FBF1: variants seen among roughly 807,000 people sequenced by gnomAD.
FBF1 encodes the protein Fas binding factor 1.
A neutral mutation model predicts 147.2 loss-of-function variants in FBF1; 119 were observed. That is an observed-to-expected ratio of 0.81 (90% CI 0.70 to 0.94). FBF1 has a LOEUF of 0.94. FBF1 is among the 40% of genes least tolerant of loss of function. The pLI is 0.00. For missense variants in FBF1, 1,449 were observed against 1,500.8 expected (o/e 0.97, Z 0.57); for synonymous variants, 601 against 609.0 (o/e 0.99, Z 0.19).
At position 75,910,065 on chromosome 17, in the gene FBF1, G is replaced by A. The variant is rs903402579; in HGVS notation, c.*658C>T. 1 of 624,570 alleles carries A rather than the reference G, an allele frequency of 1.6e-6. No individual in the cohort carries two copies. The highest frequency in any genetic ancestry group is 1.8e-5 in the African/African-American group (1 of 55,704). 38.7% of individuals were successfully genotyped at this position (624,570 alleles called of 1,614,324 possible). ...CCCTCCGCCGCCGGTGGGGCACCCA[G>A]ATGGGGAGGAAGCTGAGGAGGCCAC... On this transcript the variant is annotated 3_prime_UTR_variant, in exon 30 of 30. Transcript: ENST00000636174. This position sits in a 1 kb window ranked among gnomAD's most constrained non-coding sequence, Gnocchi z 4.1.
At chr17:75,932,856 A>C in intron 5 of FBF1, 139 bp downstream of exon 5, 39 of 533,220 alleles carry the variant, frequency 7.3e-5, no homozygotes, top group Non-Finnish European at 9.0e-5. Flanking sequence ...ACTGCACTCC[A>C]GCCTCGGCAA....
Position 75,919,747 on chromosome 17 carries a change from T to G in FBF1, c.2059A>C (p.Thr687Pro). The change falls in exon 20 of 30, where the codon ACG becomes CCG. Residue 687 changes from threonine (T) to proline (P), a missense_variant. Physicochemically the swap from Thr to Pro is conservative, Grantham distance 38. Transcript: ENST00000636174. The surrounding 1 kb of genome is among the most constrained non-coding windows in gnomAD (Gnocchi z 5.0). ...QEAEQARAELTAQHQRRLAAI... is the reference protein window; with the variant it reads ...QEAEQARAELPAQHQRRLAAI... ...GCCAAGCGCCGCTGGTGCTGGGCCGTAAGCTCAGCACGGGCCTGTTCGGCC... is the reference window on the plus strand; with the variant it reads ...GCCAAGCGCCGCTGGTGCTGGGCCGGAAGCTCAGCACGGGCCTGTTCGGCC... The G allele has an allele frequency of 6.2e-7, 1 of 1,613,398 alleles. No homozygotes were observed. The highest frequency in any genetic ancestry group is 8.5e-7 in the Non-Finnish European group (1 of 1,179,876).
In FBF1 at chr17:75,910,039, T is replaced by C. The variant is rs917405580; in HGVS notation, c.*684A>G. ...CCCCACACCCCACCATCGCCACAGCTCCCTCCGCCGCCGGTGGGGCACCCA... is the reference window on the plus strand; with the variant it reads ...CCCCACACCCCACCATCGCCACAGCCCCCTCCGCCGCCGGTGGGGCACCCA... On this transcript the variant is annotated 3_prime_UTR_variant, in exon 30 of 30. Coordinates refer to ENST00000636174, the MANE Select transcript of FBF1 (RefSeq NM_001319193.2). This position sits in a 1 kb window ranked among gnomAD's most constrained non-coding sequence, Gnocchi z 4.1. 7.7e-6 allele frequency: 5 copies of C among 651,868 alleles called. No homozygotes were observed. The highest frequency in any genetic ancestry group is 2.8e-4 in the Middle Eastern group (1 of 3,510). 40.4% of individuals were successfully genotyped at this position (651,868 alleles called of 1,614,324 possible).
At chr17:75,921,398 C>A in intron 16 of FBF1, 74 bp downstream of exon 16, 1 of 1,553,716 alleles carries the variant, frequency 6.4e-7, no homozygotes, top group Non-Finnish European at 8.7e-7. Flanking sequence ...CCCAGGGACC[C>A]CAAAGGAAGC....
At chr17:75,931,746 G>T (rs1336478492) in intron 5 of FBF1, among the ~76,000 whole-genome samples, 1 of 151,830 alleles carries the variant, frequency 6.6e-6, no homozygotes. Flanking sequence ...TTGCGCCACT[G>T]CACTCCAGCC....
At chr17:75,936,382 C>T (rs1376460663) in intron 3 of FBF1, among the ~76,000 whole-genome samples, 2 of 151,784 alleles carry the variant, frequency 1.3e-5, no homozygotes, top group Non-Finnish European at 2.9e-5. Context: ...ATCCCAGCTA[C>T]TGGAGAGGAT....
rs568136344 is a variant in FBF1, at chr17:75,918,162, C to A, written c.2246G>T (p.Arg749Leu). 6.2e-7 allele frequency: 1 copy of A among 1,613,268 alleles called. No homozygotes were observed. Among genetic ancestry groups the A allele is most frequent in the South Asian group, 1.1e-5 (1 of 90,992 alleles). ...DAATSATSHT[R>L]SLNSIIHQME... is the part of the protein sequence containing the mutation. ...GGCATGGTTGGGGCAGCGCACATAC[C>A]GCGTGTGGGAGGTGGCACTGGTGGC... The change falls in exon 21 of 30, where the codon CGG becomes CTG. Residue 749 changes from arginine (R) to leucine (L), a missense_variant and splice_region_variant. Transcript: ENST00000636174. This position sits in a 1 kb window ranked among gnomAD's most constrained non-coding sequence, Gnocchi z 5.8.
rs557290639 is a variant in FBF1 at position 75,931,251 on chromosome 17, C to T, written c.206G>A (p.Gly69Asp). The T allele has an allele frequency of 1.9e-6, 3 of 1,581,040 alleles. No individual in the cohort carries two copies. The highest frequency in any genetic ancestry group is 1.2e-5 in the South Asian group (1 of 85,990). The change falls in exon 6 of 30, where the codon GGC (glycine) becomes GAC (aspartate). Residue 69 changes from glycine to aspartate, a missense_variant. Transcript: ENST00000636174. ...CACCTCAGCATCAGCTTCTTCCAGGCCTGCCATGGTGCTGAAGACATCATC... is the reference window on the plus strand; with the variant it reads ...CACCTCAGCATCAGCTTCTTCCAGGTCTGCCATGGTGCTGAAGACATCATC... Reference protein sequence around the residue: ...LGDDVFSTMAGLEEADAEVSG... With the variant: ...LGDDVFSTMADLEEADAEVSG...
At position 75,928,823 on chromosome 17, in the gene FBF1, A is replaced by T. The variant is rs967414701; in HGVS notation, c.280-630T>A. On this transcript the variant is annotated intron_variant, in intron 7 of 29. Transcript: ENST00000636174. The surrounding 1 kb of genome is among the most constrained non-coding windows in gnomAD (Gnocchi z 4.2). ...ACTCCGTCTCAAAAAAATAAAAATAAATTAAAAATAAAATAAAATAAAGAC... is the reference window on the plus strand; with the variant it reads ...ACTCCGTCTCAAAAAAATAAAAATATATTAAAAATAAAATAAAATAAAGAC... Among the ~76,000 whole-genome samples, 2 of 151,978 alleles carry T rather than the reference A, an allele frequency of 1.3e-5. No homozygotes were observed. Among genetic ancestry groups the T allele is most frequent in the African/African-American group, 4.8e-5 (2 of 41,382 alleles).
At chr17:75,921,907 A>G (rs1478232366) in intron 15 of FBF1, 38 bp downstream of exon 15, 2 of 1,506,418 alleles carry the variant, frequency 1.3e-6, no homozygotes, top group South Asian at 2.4e-5. Flanking sequence ...GCTGCCCACC[A>G]TGCTCTCATT....
chr17:75,935,075 A>G lies in FBF1; in HGVS notation c.73+557T>C, dbSNP rs75538286. Among the ~76,000 whole-genome samples the G allele has an allele frequency of 5.9e-3, 896 of 152,186 alleles. 13 individuals carry two copies. Among genetic ancestry groups the G allele is most frequent in the African/African-American group, 0.02 (838 of 41,518 alleles). ...ATGGAAAATGTTCCGGAATTAGGTA[A>G]TGTTGATGGTTGTACAACTTTTGAA... On this transcript the variant is annotated intron_variant, in intron 4 of 29. Transcript: ENST00000636174.
intron 3 of FBF1, among the ~76,000 whole-genome samples, chr17:75,936,306 G>A (rs1179620659): frequency 6.6e-6 from 1 of 151,382 alleles, no homozygotes; most frequent in Non-Finnish European, 1.5e-5. Context: ...AGAGCGATAC[G>A]CCGTCTCAAA....
At chr17:75,915,434 G>C (rs2065482805) in intron 23 of FBF1, among the ~76,000 whole-genome samples, 1 of 152,146 alleles carries the variant, frequency 6.6e-6, no homozygotes, top group Admixed American at 6.5e-5. Context: ...CCGCTGAATC[G>C]CCAGCTACGC....
intron 8 of FBF1, among the ~76,000 whole-genome samples, 162 bp downstream of exon 8, chr17:75,927,914 C>CA (rs1436429952): frequency 1.3e-5 from 2 of 152,182 alleles, no homozygotes; most frequent in Non-Finnish European, 2.9e-5. Context: ...CACACACACT[C>CA]AAACACACAC....
intron 29 of FBF1, 110 bp downstream of exon 29, chr17:75,912,082 C>A (rs2065459527): frequency 1.9e-6 from 2 of 1,062,866 alleles, no homozygotes; most frequent in Non-Finnish European, 1.4e-6. Context: ...TTTTACTCCC[C>A]AGGAGCTGGG....
chr17:75,933,246 A>T (rs1371925953), intron 4 of FBF1, among the ~76,000 whole-genome samples, 158 bp from the exon 5 acceptor site: 2 of 152,156 alleles, frequency 1.3e-5, no homozygotes, highest in Non-Finnish European at 2.9e-5. Flanking sequence ...GAAAACCTGA[A>T]TGGGAGAGAG....
intron 23 of FBF1, among the ~76,000 whole-genome samples, chr17:75,917,377 T>C (rs573498076): frequency 6.6e-6 from 1 of 152,374 alleles, no homozygotes; most frequent in African/African-American, 2.4e-5. Flanking sequence ...GGCAAGAGCA[T>C]CTGTCCCAAT....
In FBF1 at chr17:75,921,566, G is replaced by A. The variant is rs201269607; in HGVS notation, c.1527-6C>T. ...GGTTCTGAGTCACAGGGGACCTGAG[G>A]ACACAGGGATGGGGCATGGTGAGCA... is the stretch of plus-strand genomic sequence containing the variant. On this transcript the variant is annotated splice_region_variant and splice_polypyrimidine_tract_variant and intron_variant, in intron 15 of 29. Coordinates refer to ENST00000636174, the MANE Select transcript of FBF1 (RefSeq NM_001319193.2). The A allele has an allele frequency of 5.7e-5, 91 of 1,592,000 alleles. No homozygotes were observed. In the African/African-American group the frequency reaches 1.0e-3, roughly 18 times the overall value.
Position 75,910,613 on chromosome 17 carries a change from C to T in FBF1, c.*110G>A, listed in dbSNP as rs977536570. ...TGTCCACGGAAGAGCTGTCATCAGG[C>T]CTCAAGCATCTCAGAATCCTCCCCA... On this transcript the variant is annotated 3_prime_UTR_variant, in exon 30 of 30. Coordinates refer to ENST00000636174, the MANE Select transcript of FBF1 (RefSeq NM_001319193.2). The surrounding 1 kb of genome is among the most constrained non-coding windows in gnomAD (Gnocchi z 4.1). 6.5e-6 allele frequency: 6 copies of T among 916,062 alleles called. No individual in the cohort carries two copies. In the African/African-American group the frequency reaches 8.3e-5, roughly 13 times the overall value. 56.7% of individuals were successfully genotyped at this position (916,062 alleles called of 1,614,324 possible).
Sources: gnomAD v4.1 joint callset for allele counts (sites outside exome capture counted in the v4.1 genomes callset) on GRCh38, gnomAD v4.1.1 for gene constraint, Gnocchi (gnomAD v3.1) non-coding constraint, MANE v1.5 for transcripts, NCBI Gene and HGNC (gene_info 2026-07-23, HGNC 2026-07-21) for gene names.